The following CAST variants were observed in gnomAD, a reference collection of about 807,000 sequenced individuals.
CAST encodes the protein calpastatin.
Under a neutral mutation model 119.6 loss-of-function variants are expected in CAST, and 76 were observed. The observed-to-expected ratio is 0.64, with a 90% confidence interval of 0.53 to 0.77. The LOEUF (loss-of-function observed/expected upper bound fraction) is 0.77, where lower values mean the gene tolerates loss of function less well. Ranked by LOEUF, CAST falls within the 30% of genes least tolerant of loss-of-function variation. The pLI, the probability that CAST is intolerant of heterozygous loss-of-function variation, is 0.00. For missense variants in CAST, 953 were observed against 946.5 expected (o/e 1.01, Z -0.09); for synonymous variants, 319 against 331.6 (o/e 0.96, Z 0.41).
the CAST span, among the ~76,000 whole-genome samples, chr5:96,319,652 C>A: frequency 2.0e-5 from 3 of 152,110 alleles, no homozygotes; most frequent in African/African-American, 7.2e-5. Flanking sequence ...GCTTTAGAAA[C>A]CATAATGTAT....
chr5:96,489,817 T>G, the CAST span, among the ~76,000 whole-genome samples: 1 of 152,194 alleles, frequency 6.6e-6, no homozygotes, highest in Non-Finnish European at 1.5e-5. Context: ...ACGGCATTCC[T>G]GTCACATAGA....
At chr5:96,663,021 G>A in intron 1 of CAST, 1 of 690,208 alleles carries the variant, frequency 1.4e-6, no homozygotes, top group South Asian at 1.5e-5. Context: ...GATGTGCGGA[G>A]CTCAGTGCCA....
intron 11 of CAST, among the ~76,000 whole-genome samples, chr5:96,738,388 C>T (rs1213663176): frequency 2.6e-5 from 4 of 152,110 alleles, no homozygotes; most frequent in East Asian, 3.9e-4. Context: ...TCAACATCAA[C>T]ACAGCAACTA....
the CAST span, among the ~76,000 whole-genome samples, chr5:96,014,695 T>C: frequency 6.6e-6 from 1 of 152,198 alleles, no homozygotes; most frequent in Non-Finnish European, 1.5e-5. Flanking sequence ...CAGTGCATTA[T>C]TGTATACAGA....
the CAST span, among the ~76,000 whole-genome samples, chr5:96,301,573 A>G: frequency 6.6e-6 from 1 of 152,196 alleles, no homozygotes; most frequent in African/African-American, 2.4e-5. Flanking sequence ...CCAAGATACA[A>G]TGGGGGTACA....
At chr5:96,438,029 C>T in the CAST span, among the ~76,000 whole-genome samples, 14 of 152,260 alleles carry the variant, frequency 9.2e-5, no homozygotes, top group Admixed American at 7.8e-4. Flanking sequence ...ACTTCGAAGG[C>T]AGATTGTTAT....
the CAST span, among the ~76,000 whole-genome samples, chr5:96,277,068 T>G: frequency 3.0e-4 from 45 of 152,238 alleles, no homozygotes; most frequent in African/African-American, 1.0e-3. Context: ...AAACTACCAT[T>G]TATTCATCCA....
At position 96,750,576 on chromosome 5, in the gene CAST, T is replaced by C; in HGVS notation, c.1429-11T>C. On this transcript the variant is annotated splice_polypyrimidine_tract_variant and intron_variant, in intron 19 of 31. Transcript: ENST00000675179. ...TCTAAACTTATTGAGAGTACTTGTG[T>C]CTTTCCTCAGGAATCTAAGGCCGCT... 1 of 1,589,496 alleles carries C rather than the reference T, an allele frequency of 6.3e-7. No individual in the cohort carries two copies. Among genetic ancestry groups the C allele is most frequent in the African/African-American group, 1.3e-5 (1 of 74,550 alleles).
At chr5:96,448,763 T>A in the CAST span, among the ~76,000 whole-genome samples, 1 of 152,038 alleles carries the variant, frequency 6.6e-6, no homozygotes, top group African/African-American at 2.4e-5. Context: ...AAACATCATA[T>A]CACTGATCAA....
chr5:96,175,502 A>G, the CAST span, among the ~76,000 whole-genome samples: 1 of 152,250 alleles, frequency 6.6e-6, no homozygotes, highest in Non-Finnish European at 1.5e-5. Context: ...ATTGAAAATA[A>G]ACTAGTAAAC....
At chr5:96,052,023 G>A in the CAST span, among the ~76,000 whole-genome samples, 1 of 152,122 alleles carries the variant, frequency 6.6e-6, no homozygotes, top group African/African-American at 2.4e-5. Context: ...ATGAGGGGGC[G>A]AGGGATAGAG....
At chr5:96,177,405 G>A in the CAST span, among the ~76,000 whole-genome samples, 1 of 152,204 alleles carries the variant, frequency 6.6e-6, no homozygotes. Flanking sequence ...GCTCACATGA[G>A]TGCTTACAGG....
chr5:96,157,573 G>A, the CAST span, among the ~76,000 whole-genome samples: 4 of 152,214 alleles, frequency 2.6e-5, no homozygotes, highest in African/African-American at 9.6e-5. Context: ...CACACCCACA[G>A]CATACCTGAA....
At chr5:96,117,786 GA>G in the CAST span, among the ~76,000 whole-genome samples, 2 of 152,108 alleles carry the variant, frequency 1.3e-5, no homozygotes, top group South Asian at 4.1e-4. Flanking sequence ...ATTTGAAAAG[GA>G]CAAACTATTT....
At chr5:96,769,987 T>A (rs938980096) in intron 29 of CAST, 1 of 152,588 alleles carries the variant, frequency 6.6e-6, no homozygotes, top group African/African-American at 2.4e-5. Context: ...ACTAGGTTGT[T>A]CCATATCTTG....
the CAST span, among the ~76,000 whole-genome samples, chr5:96,163,999 A>T: frequency 6.6e-6 from 1 of 152,144 alleles, no homozygotes; most frequent in Admixed American, 6.5e-5. Flanking sequence ...ATATTAACTC[A>T]TAGGATTGTT....
At chr5:96,527,450 G>T (rs1368122233), upstream of CAST, among the ~76,000 whole-genome samples, 1 of 152,084 alleles carries the variant, frequency 6.6e-6, no homozygotes, top group African/African-American at 2.4e-5. Context: ...TGATCTCAAA[G>T]GTCCTAAATG....
In CAST at chr5:96,742,726, C is replaced by A; in HGVS notation, c.1170C>A (p.Leu390=). The A allele has an allele frequency of 6.2e-7, 1 of 1,613,702 alleles. No homozygotes were observed. Among genetic ancestry groups the A allele is most frequent in the Non-Finnish European group, 8.5e-7 (1 of 1,179,714 alleles). Residue 390 remains leucine, a synonymous_variant, in exon 16 of 32, where the codon CTC becomes CTA. Transcript: ENST00000675179. ...SLGTRQAEPE[L]DLRSIKEVDE... ...GCACCCGGCAAGCAGAACCTGAGCT[C>A]GACCTCCGCTCAATTAAGGAAGTCG...
chr5:96,458,778 G>A, the CAST span, among the ~76,000 whole-genome samples: 14 of 151,984 alleles, frequency 9.2e-5, no homozygotes, highest in African/African-American at 1.2e-4. Context: ...TTCTTTTTTA[G>A]TATTATTAAT....
Sources: allele counts gnomAD v4.1 joint callset (sites outside exome capture counted in the v4.1 genomes callset), GRCh38; gene constraint gnomAD v4.1.1; transcripts MANE v1.5; gene names NCBI Gene and HGNC (gene_info 2026-07-23, HGNC 2026-07-21).